The following CCDC169 variants were observed in gnomAD, a reference collection of about 807,000 sequenced individuals.
CCDC169 encodes the protein coiled-coil domain-containing protein 169.
In CCDC169, 30 loss-of-function variants were observed where a neutral mutation model predicts 36.0. The observed-to-expected ratio is 0.83, with a 90% CI of 0.62 to 1.13. The LOEUF (loss-of-function observed/expected upper bound fraction) is 1.13, where lower values mean the gene tolerates loss of function less well. Among genes scored for constraint, CCDC169 ranks in the 50% most tolerant of loss-of-function variants. CCDC169 has a pLI of 0.00. For synonymous variants in CCDC169, 85 were observed against 81.5 expected (o/e 1.04, Z -0.23); for missense variants, 245 against 245.9 (o/e 1.00, Z 0.03).
At chr13:36,260,209 A>T (rs1874448672) in intron 4 of CCDC169, among the ~76,000 whole-genome samples, 1 of 152,220 alleles carries the variant, frequency 6.6e-6, no homozygotes, top group Admixed American at 6.5e-5. Context: ...ACCCAGGTAA[A>T]ATGACTCCAA....
At chr13:36,225,242 T>C (rs1869810640), downstream of CCDC169, 3 of 151,824 alleles carry the variant, frequency 2.0e-5, no homozygotes, top group South Asian at 6.2e-4. Context: ...TTTCATTCAG[T>C]TGCCTAGCCT....
At chr13:36,236,346 T>C (rs1033641551) in intron 7 of CCDC169, among the ~76,000 whole-genome samples, 3 of 152,152 alleles carry the variant, frequency 2.0e-5, no homozygotes. Context: ...AGTAAACCCA[T>C]ATGTTACGGT....
chr13:36,232,516 G>A (rs1364272440), intron 7 of CCDC169, among the ~76,000 whole-genome samples: 2 of 152,016 alleles, frequency 1.3e-5, no homozygotes, highest in East Asian at 3.9e-4. Context: ...GAGAGGCCAG[G>A]CTCAGTGGCT....
intron 4 of CCDC169, among the ~76,000 whole-genome samples, chr13:36,257,086 A>G (rs547035924): frequency 6.6e-6 from 1 of 151,856 alleles, no homozygotes; most frequent in Non-Finnish European, 1.5e-5. Context: ...CCTAACGACC[A>G]GGTAGACCAC....
chr13:36,278,189 A>T (rs898938793), intron 4 of CCDC169, among the ~76,000 whole-genome samples: 11 of 152,182 alleles, frequency 7.2e-5, no homozygotes, highest in Non-Finnish European at 1.6e-4. Flanking sequence ...GAACTAACAG[A>T]GCTTACTATG....
intron 4 of CCDC169, among the ~76,000 whole-genome samples, chr13:36,271,951 A>T (rs9547051): frequency 6.6e-6 from 1 of 151,244 alleles, no homozygotes; most frequent in Non-Finnish European, 1.5e-5. Flanking sequence ...CTGGAGTGGC[A>T]GTGCATGTCT....
intron 6 of CCDC169, 107 bp downstream of exon 6, chr13:36,253,696 C>T (rs9546886): frequency 0.46 from 616,942 of 1,345,030 alleles, 144,151 homozygotes; most frequent in Non-Finnish European, 0.48. Flanking sequence ...AGAAACTTAA[C>T]TCCAAAATCT....
chr13:36,295,592 T>C (rs1010562502), intron 2 of CCDC169, among the ~76,000 whole-genome samples, 186 bp downstream of exon 2: 2 of 152,200 alleles, frequency 1.3e-5, no homozygotes, highest in African/African-American at 2.4e-5. Flanking sequence ...TAAATAGTAA[T>C]AGGTTTGATA....
At chr13:36,245,068 T>C (rs1038665887) in intron 7 of CCDC169, among the ~76,000 whole-genome samples, 2 of 152,218 alleles carry the variant, frequency 1.3e-5, no homozygotes, top group Non-Finnish European at 2.9e-5. Context: ...AAATTTGCTA[T>C]ACTTGAGTGG....
intron 6 of CCDC169, among the ~76,000 whole-genome samples, chr13:36,251,627 C>T (rs1873179581): frequency 6.6e-6 from 1 of 152,080 alleles, no homozygotes. Context: ...TATGAGCATA[C>T]ATTTCTATTT....
downstream of CCDC169, chr13:36,227,421 C>G (rs533415818): frequency 8.9e-6 from 13 of 1,467,462 alleles, no homozygotes; most frequent in Non-Finnish European, 1.2e-5. Flanking sequence ...ATAAGGACAG[C>G]GAAGGTACAA....
chr13:36,293,066 C>T (rs1289090739), intron 2 of CCDC169, among the ~76,000 whole-genome samples: 7 of 151,658 alleles, frequency 4.6e-5, no homozygotes, highest in Non-Finnish European at 1.0e-4. Flanking sequence ...AGCTCATTAC[C>T]TGAGAGTGTG....
intron 4 of CCDC169, among the ~76,000 whole-genome samples, chr13:36,265,475 A>T (rs574059377): frequency 6.6e-6 from 1 of 152,366 alleles, no homozygotes; most frequent in East Asian, 1.9e-4. Flanking sequence ...AAGTAGCTGC[A>T]AATGAGGCTA....
At chr13:36,247,794 T>A (rs1317977649) in intron 7 of CCDC169, among the ~76,000 whole-genome samples, 1 of 152,208 alleles carries the variant, frequency 6.6e-6, no homozygotes, top group East Asian at 1.9e-4. Flanking sequence ...ATTTAGAATA[T>A]TCTATGGACT....
intron 2 of CCDC169, 121 bp from the exon 3 acceptor site, chr13:36,283,823 T>A (rs1312406933): frequency 1.9e-5 from 14 of 734,356 alleles, no homozygotes; most frequent in Non-Finnish European, 3.1e-5. Context: ...GCAATACAGA[T>A]CAACTAGAAG....
chr13:36,297,808 A>G lies in CCDC169; in HGVS notation c.-89T>C, dbSNP rs970124657. The G allele has an allele frequency of 1.5e-6, 2 of 1,299,558 alleles. No individual in the cohort carries two copies. The highest frequency in any genetic ancestry group is 1.5e-5 in the African/African-American group (1 of 68,432). The allele number at this position is 1,299,558 out of a possible 1,614,324, so 80.5% of individuals were successfully genotyped here. On this transcript the variant is annotated 5_prime_UTR_variant, in exon 1 of 8. Coordinates refer to ENST00000239859, the MANE Select transcript of CCDC169 (RefSeq NM_001144981.3). ...GCCACCCAGAAGCCAGTACGGCACG[A>G]GGCGGTGAACCCCAACCGCCCCCCG...
At chr13:36,240,032 A>G (rs1443012857) in intron 7 of CCDC169, among the ~76,000 whole-genome samples, 1 of 152,098 alleles carries the variant, frequency 6.6e-6, no homozygotes, top group Non-Finnish European at 1.5e-5. Context: ...ATATCTATGT[A>G]TGTAAAAAAA....
intron 7 of CCDC169, among the ~76,000 whole-genome samples, chr13:36,236,817 C>G (rs1385150202): frequency 4.6e-5 from 7 of 151,924 alleles, no homozygotes; most frequent in Non-Finnish European, 1.0e-4. Context: ...GACATTTCTC[C>G]AAAGAAGATA....
At chr13:36,290,319 T>C (rs1878716126) in intron 2 of CCDC169, among the ~76,000 whole-genome samples, 1 of 152,232 alleles carries the variant, frequency 6.6e-6, no homozygotes. Flanking sequence ...AATAAATAGA[T>C]ACTAAATAAT....
Sources: gnomAD v4.1 joint callset for allele counts (sites outside exome capture counted in the v4.1 genomes callset) on GRCh38, gnomAD v4.1.1 for gene constraint, MANE v1.5 for transcripts, NCBI Gene and HGNC (gene_info 2026-07-23, HGNC 2026-07-21) for gene names.